The following TYW1B variants were observed in gnomAD, a reference collection of about 807,000 sequenced individuals.
The protein encoded by TYW1B is tRNA-yW synthesizing protein 1 homolog B.
TYW1B carries 73 observed loss-of-function variants against 86.9 expected under a neutral mutation model. The observed-to-expected ratio is 0.84, with a 90% CI of 0.70 to 1.02. TYW1B has a LOEUF of 1.02. Among genes scored for constraint, TYW1B ranks in the 50% least tolerant of loss-of-function variants. The probability of loss-of-function intolerance (pLI) is 0.00; values close to 1 mark genes in which losing one functional copy is unlikely to be tolerated. For missense variants in TYW1B, 637 were observed against 827.4 expected, an observed-to-expected ratio of 0.77 and a Z score of 2.82; for synonymous variants, 248 against 292.8, an observed-to-expected ratio of 0.85 and a Z score of 1.56.
intron 13 of TYW1B, among the ~76,000 whole-genome samples, chr7:72,601,311 C>CA (rs1811659610): frequency 6.6e-6 from 1 of 150,788 alleles, no homozygotes. Context: ...AGCGATATGC[C>CA]ACTACAAATC....
intron 13 of TYW1B, among the ~76,000 whole-genome samples, chr7:72,581,570 T>C (rs1330740416): frequency 6.6e-6 from 1 of 152,116 alleles, no homozygotes; most frequent in Non-Finnish European, 1.5e-5. Flanking sequence ...GTGATTCTCC[T>C]GCCTCAGCCT....
chr7:72,702,075 C>A (rs1439716884), intron 10 of TYW1B, among the ~76,000 whole-genome samples: 3 of 152,204 alleles, frequency 2.0e-5, no homozygotes, highest in African/African-American at 7.2e-5. Flanking sequence ...CATGGCCCAG[C>A]TTTTCCTTTT....
chr7:72,585,738 T>C (rs1422243511), intron 13 of TYW1B, among the ~76,000 whole-genome samples: 3 of 152,332 alleles, frequency 2.0e-5, no homozygotes, highest in Admixed American at 1.3e-4. Context: ...TTTCACCTTC[T>C]GCCATGATTG....
intron 11 of TYW1B, among the ~76,000 whole-genome samples, chr7:72,631,806 C>A (rs1171459440): frequency 6.6e-6 from 1 of 151,920 alleles, no homozygotes; most frequent in Non-Finnish European, 1.5e-5. Context: ...CACACAGGGG[C>A]CAGAATGAAT....
intron 7 of TYW1B, among the ~76,000 whole-genome samples, chr7:72,751,612 A>G (rs1379620785): frequency 6.6e-6 from 1 of 152,174 alleles, no homozygotes. Context: ...CTTGTCAGTT[A>G]ATTCCATCAT....
chr7:72,752,606 G>A (rs1270092200), intron 7 of TYW1B, among the ~76,000 whole-genome samples: 3 of 151,690 alleles, frequency 2.0e-5, no homozygotes, highest in East Asian at 1.9e-4. Flanking sequence ...TGGCAGGAGC[G>A]TGTAATCCCA....
intron 6 of TYW1B, among the ~76,000 whole-genome samples, chr7:72,781,490 G>A (rs1554471619): frequency 6.6e-6 from 1 of 152,108 alleles, no homozygotes; most frequent in Non-Finnish European, 1.5e-5. Flanking sequence ...ACAGATTTGA[G>A]TGTTTCTTCC....
Position 72,783,600 on chromosome 7 carries a change from GTCACCGTTCAGTTTTAAAA to G in TYW1B, c.847-6086_847-6068del, listed in dbSNP as rs1226710359. Among the ~76,000 whole-genome samples, 4 of 152,112 alleles carry G rather than the reference GTCACCGTTCAGTTTTAAAA, an allele frequency of 2.6e-5. No homozygotes were observed. In the East Asian group the frequency reaches 7.7e-4, roughly 29 times the overall value. On this transcript the variant is annotated intron_variant, in intron 6 of 13. Coordinates refer to ENST00000620995, the MANE Select transcript of TYW1B (RefSeq NM_001145440.3). ...TGAATCTCTAAGATATCACTCACTGGTCACCGTTCAGTTTTAAAATGACCAATTTTCACCATTACTCAAA... is the reference window on the plus strand; with the variant it reads ...TGAATCTCTAAGATATCACTCACTGGTGACCAATTTTCACCATTACTCAAA...
At chr7:72,675,891 T>C (rs1427443107) in intron 11 of TYW1B, among the ~76,000 whole-genome samples, 1 of 152,166 alleles carries the variant, frequency 6.6e-6, no homozygotes, top group Non-Finnish European at 1.5e-5. Context: ...TTACATAATA[T>C]TTCATAACTG....
At chr7:72,600,600 T>C (rs573172501) in intron 13 of TYW1B, among the ~76,000 whole-genome samples, 1 of 152,292 alleles carries the variant, frequency 6.6e-6, no homozygotes, top group Admixed American at 6.5e-5. Context: ...TCAAAATACA[T>C]ATCTGCTAAA....
chr7:72,809,251 G>A (rs1464513890), intron 4 of TYW1B, among the ~76,000 whole-genome samples: 1 of 151,818 alleles, frequency 6.6e-6, no homozygotes, highest in African/African-American at 2.4e-5. Flanking sequence ...CACCATGTTA[G>A]CCACGATGAT....
intron 11 of TYW1B, among the ~76,000 whole-genome samples, chr7:72,632,345 ATTATATATAT>A (rs1812527081): frequency 9.2e-6 from 1 of 108,648 alleles, no homozygotes; most frequent in African/African-American, 4.3e-5. Context: ...ACGTATATAT[ATTATATATAT>A]TATATATATA....
intron 8 of TYW1B, among the ~76,000 whole-genome samples, 186 bp from the exon 9 acceptor site, chr7:72,729,117 A>G (rs2129571024): frequency 6.6e-6 from 1 of 152,226 alleles, no homozygotes; most frequent in East Asian, 1.9e-4. Context: ...AGAGGGGTGA[A>G]TAGAGAAATC....
intron 7 of TYW1B, among the ~76,000 whole-genome samples, chr7:72,770,427 C>CAAAA (rs587645992): frequency 1.1e-5 from 1 of 94,416 alleles, no homozygotes; most frequent in African/African-American, 4.3e-5. Context: ...GACTCCGTCT[C>CAAAA]AAAAAAAAAA....
intron 2 of TYW1B, among the ~76,000 whole-genome samples, chr7:72,815,860 T>C (rs1788713124): frequency 6.6e-6 from 1 of 151,692 alleles, no homozygotes; most frequent in African/African-American, 2.4e-5. Context: ...GACCTCATCT[T>C]TATAAAAAAA....
chr7:72,673,043 C>G (rs1271512353), intron 11 of TYW1B, among the ~76,000 whole-genome samples: 17 of 152,130 alleles, frequency 1.1e-4, no homozygotes, highest in African/African-American at 3.9e-4. Flanking sequence ...GCGGCGTGCA[C>G]CTGTAGTCCC....
intron 2 of TYW1B, among the ~76,000 whole-genome samples, chr7:72,816,569 G>C (rs1788726917): frequency 6.6e-6 from 1 of 152,142 alleles, no homozygotes; most frequent in Non-Finnish European, 1.5e-5. Flanking sequence ...CTAATGAGAT[G>C]ACTTACTGGG....
chr7:72,629,096 C>T (rs1431926411), intron 11 of TYW1B, 99 bp from the exon 12 acceptor site: 9 of 1,109,306 alleles, frequency 8.1e-6, no homozygotes, highest in African/African-American at 1.6e-5. Context: ...GAACCCAGGG[C>T]AGGCAAAACT....
intron 11 of TYW1B, among the ~76,000 whole-genome samples, chr7:72,654,758 G>C (rs1554443387): frequency 1.3e-5 from 2 of 152,100 alleles, no homozygotes; most frequent in African/African-American, 2.4e-5. Flanking sequence ...GTTGACACCT[G>C]CAATCCCAGC....
Sources: allele counts gnomAD v4.1 joint callset (sites outside exome capture counted in the v4.1 genomes callset), GRCh38; gene constraint gnomAD v4.1.1; transcripts MANE v1.5; gene names NCBI Gene and HGNC (gene_info 2026-07-23, HGNC 2026-07-21).